The following DAB1 variants were observed in gnomAD, a reference collection of about 807,000 sequenced individuals.
The protein encoded by DAB1 is disabled homolog 1.
DAB1 carries 15 observed loss-of-function variants against 64.6 expected under a neutral mutation model. That is an observed-to-expected ratio of 0.23 (90% confidence interval 0.16 to 0.36). The LOEUF is 0.36. Ranked by LOEUF, DAB1 falls within the 10% of genes least tolerant of loss-of-function variation. The probability of loss-of-function intolerance (pLI) is 1.00; values close to 1 mark genes in which losing one functional copy is unlikely to be tolerated. For missense variants in DAB1, 596 were observed against 706.7 expected, an observed-to-expected ratio of 0.84 and a Z score of 1.78; for synonymous variants, 235 against 251.9, an observed-to-expected ratio of 0.93 and a Z score of 0.64.
intron 5 of DAB1, among the ~76,000 whole-genome samples, chr1:58,145,270 T>C (rs1654525607): frequency 6.6e-6 from 1 of 152,210 alleles, no homozygotes; most frequent in South Asian, 2.1e-4. Flanking sequence ...GCAATGCCTA[T>C]ACCTGCAGGT....
chr1:58,424,279 G>A (rs1012872319), intron 3 of DAB1, among the ~76,000 whole-genome samples: 2 of 152,208 alleles, frequency 1.3e-5, no homozygotes, highest in Non-Finnish European at 2.9e-5. Flanking sequence ...CTGAGTGGAT[G>A]AGGCCCACCC....
chr1:57,964,848 T>C (rs998894132), intron 5 of DAB1, among the ~76,000 whole-genome samples: 3 of 152,138 alleles, frequency 2.0e-5, no homozygotes, highest in Non-Finnish European at 2.9e-5. Flanking sequence ...AGTTGTTCAC[T>C]GTCTAGGGGA....
At chr1:57,087,809 G>A (rs1245024190) in intron 4 of DAB1, among the ~76,000 whole-genome samples, 1 of 152,142 alleles carries the variant, frequency 6.6e-6, no homozygotes, top group Non-Finnish European at 1.5e-5. Context: ...ATTCTGATTT[G>A]CAATGACTCA....
At chr1:57,898,782 T>C (rs1644428754) in intron 5 of DAB1, among the ~76,000 whole-genome samples, 1 of 152,208 alleles carries the variant, frequency 6.6e-6, no homozygotes, top group African/African-American at 2.4e-5. Flanking sequence ...AATTAAGACT[T>C]TTAAAGTGCT....
chr1:57,623,627 C>T (rs538506010), intron 7 of DAB1, among the ~76,000 whole-genome samples: 2 of 152,232 alleles, frequency 1.3e-5, no homozygotes, highest in Non-Finnish European at 2.9e-5. Context: ...ACATCCCCCA[C>T]TAGGCTGGGG....
chr1:57,706,845 G>A (rs1036091622), intron 6 of DAB1, among the ~76,000 whole-genome samples: 28 of 151,988 alleles, frequency 1.8e-4, no homozygotes, highest in African/African-American at 6.3e-4. Context: ...GGCTGAGGTG[G>A]GCGCATCACC....
intron 5 of DAB1, among the ~76,000 whole-genome samples, chr1:58,107,729 G>A (rs559288955): frequency 1.6e-4 from 24 of 152,068 alleles, no homozygotes; most frequent in Admixed American, 5.9e-4. Context: ...TGATTCTCCA[G>A]CCTCAGCCTC....
chr1:57,396,043 C>G (rs932159074), intron 1 of DAB1, among the ~76,000 whole-genome samples: 4 of 152,170 alleles, frequency 2.6e-5, no homozygotes, highest in South Asian at 2.1e-4. Context: ...TGGGGCTAGA[C>G]CACCCAAAGT....
At chr1:58,409,898 C>A (rs1287172622) in intron 3 of DAB1, among the ~76,000 whole-genome samples, 2 of 152,178 alleles carry the variant, frequency 1.3e-5, no homozygotes, top group African/African-American at 2.4e-5. Flanking sequence ...CACAAACAAT[C>A]CCGTACTGTG....
chr1:58,434,993 T>A (rs1644925828), intron 3 of DAB1, among the ~76,000 whole-genome samples: 1 of 152,186 alleles, frequency 6.6e-6, no homozygotes, highest in Non-Finnish European at 1.5e-5. Flanking sequence ...AGCACTCCTA[T>A]GTTCTCAAAA....
At chr1:57,404,782 C>G (rs1365434320) in intron 1 of DAB1, among the ~76,000 whole-genome samples, 1 of 152,120 alleles carries the variant, frequency 6.6e-6, no homozygotes, top group Non-Finnish European at 1.5e-5. Flanking sequence ...TCTGCTGAAG[C>G]TTCTGTTCAA....
At chr1:57,397,937 T>C (rs1355463261) in intron 1 of DAB1, among the ~76,000 whole-genome samples, 1 of 152,228 alleles carries the variant, frequency 6.6e-6, no homozygotes, top group East Asian at 1.9e-4. Context: ...ACCTTTCTCA[T>C]GTATAAAGAT....
chr1:57,421,902 C>CGGGGTGGGGGGGGGGGGGGGGG (rs1684919630), intron 1 of DAB1, among the ~76,000 whole-genome samples: 1 of 11,718 alleles, frequency 8.5e-5, no homozygotes, highest in Non-Finnish European at 1.7e-4. Context: ...TGGGGGGTGG[C>CGGGGTGGGGGGGGGGGGGGGGG]GGGGGGGGGG....
At chr1:58,475,027 T>C (rs1645405137) in intron 3 of DAB1, among the ~76,000 whole-genome samples, 1 of 152,182 alleles carries the variant, frequency 6.6e-6, no homozygotes, top group South Asian at 2.1e-4. Context: ...ATCTGGCGAA[T>C]GGATTGGTGA....
intron 1 of DAB1, among the ~76,000 whole-genome samples, chr1:57,395,025 T>G (rs1034353096): frequency 1.3e-5 from 2 of 152,154 alleles, no homozygotes; most frequent in African/African-American, 2.4e-5. Flanking sequence ...AATATATATG[T>G]TTTTTGTTTT....
At chr1:57,942,972 A>T (rs1178810622) in intron 5 of DAB1, among the ~76,000 whole-genome samples, 1 of 152,252 alleles carries the variant, frequency 6.6e-6, no homozygotes, top group African/African-American at 2.4e-5. Flanking sequence ...TACAAACACC[A>T]TGCATGGCAC....
At chr1:58,497,116 G>T (rs1040343928) in intron 3 of DAB1, among the ~76,000 whole-genome samples, 3 of 152,066 alleles carry the variant, frequency 2.0e-5, no homozygotes. Context: ...CTATTTACAG[G>T]TATATATAGA....
intron 2 of DAB1, among the ~76,000 whole-genome samples, chr1:58,526,846 G>A (rs1196733013): frequency 6.6e-6 from 1 of 152,048 alleles, no homozygotes. Flanking sequence ...GATAGCATTA[G>A]CTTTCCAGAG....
chr1:57,254,201 C>T (rs1669587096), intron 2 of DAB1, among the ~76,000 whole-genome samples: 1 of 152,214 alleles, frequency 6.6e-6, no homozygotes, highest in Non-Finnish European at 1.5e-5. Flanking sequence ...TCAGTACAAT[C>T]TCCTGGGCTG....
Sources: allele counts gnomAD v4.1 joint callset (sites outside exome capture counted in the v4.1 genomes callset), GRCh38; gene constraint gnomAD v4.1.1; transcripts MANE v1.5; gene names NCBI Gene and HGNC (gene_info 2026-07-23, HGNC 2026-07-21).